NUP37: variants seen among roughly 807,000 people sequenced by gnomAD.
The protein encoded by NUP37 is nucleoporin 37.
Under a neutral mutation model 45.4 loss-of-function variants are expected in NUP37, and 33 were observed. The observed-to-expected ratio is 0.73, with a 90% CI of 0.55 to 0.97. NUP37 has a LOEUF of 0.97. Ranked by LOEUF, NUP37 falls within the 50% of genes least tolerant of loss-of-function variation. NUP37 has a pLI of 0.00. For missense variants in NUP37, 365 were observed against 389.7 expected (o/e 0.94, Z 0.53); for synonymous variants, 127 against 130.7 (o/e 0.97, Z 0.19).
intron 3 of NUP37, among the ~76,000 whole-genome samples, chr12:102,104,791 G>A (rs1880078073): frequency 6.6e-6 from 1 of 152,086 alleles, no homozygotes; most frequent in Non-Finnish European, 1.5e-5. Flanking sequence ...TTTCCACTCT[G>A]TTCCATTGGT....
chr12:102,108,163 G>A (rs973717861), intron 3 of NUP37, among the ~76,000 whole-genome samples: 1 of 152,126 alleles, frequency 6.6e-6, no homozygotes, highest in African/African-American at 2.4e-5. Flanking sequence ...TGGAGTGGGA[G>A]GGGAAGACCC....
intron 9 of NUP37, 56 bp downstream of exon 9, chr12:102,074,945 A>G: frequency 8.3e-7 from 1 of 1,198,164 alleles, no homozygotes; most frequent in South Asian, 1.7e-5. Context: ...GGAAAAGTCA[A>G]AAACACAAAT....
rs144473944 is a variant in NUP37, at chr12:102,077,329, G to A, written c.715C>T (p.Arg239Trp). 5.0e-5 allele frequency: 81 copies of A among 1,613,842 alleles called. No homozygotes were observed. Among genetic ancestry groups the A allele is most frequent in the Non-Finnish European group, 6.4e-5 (76 of 1,179,970 alleles). The stretch of plus-strand genomic sequence containing the variant: ...AACATATCAAGAAAGTACCTGGACC[G>A]AGTAATATCCCAAATTAACCAATCA... Reference protein sequence around the residue: ...GNDWLIWDITRSSYPQNKRPV... With the variant: ...GNDWLIWDITWSSYPQNKRPV... Residue 239 changes from arginine (R) to tryptophan (W), a missense_variant, in exon 7 of 10, where the codon CGG (arginine) becomes TGG (tryptophan). Coordinates refer to ENST00000552283, the MANE Select transcript of NUP37 (RefSeq NM_024057.4).
chr12:102,103,430 T>C (rs1041206919), intron 3 of NUP37, among the ~76,000 whole-genome samples: 5 of 152,216 alleles, frequency 3.3e-5, no homozygotes, highest in Non-Finnish European at 7.4e-5. Flanking sequence ...TTTTTGAATG[T>C]TGATTTGTAT....
intron 6 of NUP37, among the ~76,000 whole-genome samples, chr12:102,083,082 G>A (rs1303003609): frequency 1.3e-5 from 2 of 152,104 alleles, no homozygotes; most frequent in Non-Finnish European, 2.9e-5. Flanking sequence ...AACAAATTAA[G>A]TTAAAGCATA....
At chr12:102,083,311 T>G (rs1879379539) in intron 6 of NUP37, among the ~76,000 whole-genome samples, 2 of 152,292 alleles carry the variant, frequency 1.3e-5, no homozygotes, top group Middle Eastern at 3.4e-3. Flanking sequence ...AAAACAAAAT[T>G]TAGGAACTGG....
In NUP37 at chr12:102,099,119, C is replaced by T. The variant is rs759106967; in HGVS notation, c.436G>A (p.Asp146Asn). 8 of 1,605,606 alleles carry T rather than the reference C, an allele frequency of 5.0e-6. No individual in the cohort carries two copies. The Admixed American group carries it at 1.0e-4, about 20-fold the overall frequency. The change falls in exon 5 of 10, where the codon GAT becomes AAT. Residue 146 changes from aspartate (D) to asparagine (N), a missense_variant. Coordinates refer to ENST00000552283, the MANE Select transcript of NUP37 (RefSeq NM_024057.4). ...TAAGCAACATACCTGCAGGTGTGAT[C>T]GTCACTCACACTTGCAATTTCTTGG... Reference protein sequence around the residue: ...EGQEIASVSDDHTCRIWNLEG... With the variant: ...EGQEIASVSDNHTCRIWNLEG...
At chr12:102,105,279 C>T (rs1457237361) in intron 3 of NUP37, among the ~76,000 whole-genome samples, 3 of 151,730 alleles carry the variant, frequency 2.0e-5, no homozygotes, top group East Asian at 1.9e-4. Context: ...AATTCCAGCA[C>T]TTTGGGAGGC....
chr12:102,074,953 A>G (rs1450321670), intron 9 of NUP37, 48 bp downstream of exon 9: 5 of 1,259,526 alleles, frequency 4.0e-6, no homozygotes, highest in Non-Finnish European at 5.5e-6. Flanking sequence ...CAAAAACACA[A>G]ATTAAAAAAA....
intron 8 of NUP37, 47 bp downstream of exon 8, chr12:102,076,750 C>A: frequency 6.5e-7 from 1 of 1,539,376 alleles, no homozygotes; most frequent in Non-Finnish European, 9.0e-7. Flanking sequence ...GGTGGCACAG[C>A]AACGTCAAAA....
intron 6 of NUP37, among the ~76,000 whole-genome samples, chr12:102,085,478 T>G (rs1879443153): frequency 6.6e-6 from 1 of 152,060 alleles, no homozygotes; most frequent in Non-Finnish European, 1.5e-5. Context: ...CCCTGCCTAC[T>G]GCTACTAGAT....
intron 8 of NUP37, among the ~76,000 whole-genome samples, chr12:102,075,879 C>CT (rs79312878): frequency 1.2e-3 from 178 of 145,644 alleles, no homozygotes; most frequent in Non-Finnish European, 1.7e-3. Context: ...TCTCCTCTTA[C>CT]TTTTTTTTTT....
At chr12:102,092,034 G>GAT (rs1422266281) in intron 5 of NUP37, among the ~76,000 whole-genome samples, 1 of 152,100 alleles carries the variant, frequency 6.6e-6, no homozygotes, top group Non-Finnish European at 1.5e-5. Context: ...GGATATCCTA[G>GAT]ATATTCTCAA....
At chr12:102,090,920 T>G (rs1197838993) in intron 5 of NUP37, among the ~76,000 whole-genome samples, 1 of 152,224 alleles carries the variant, frequency 6.6e-6, no homozygotes, top group Admixed American at 6.5e-5. Flanking sequence ...CTTTTTGTTA[T>G]CTAAGAAACT....
intron 5 of NUP37, among the ~76,000 whole-genome samples, chr12:102,093,463 A>G (rs1394579726): frequency 6.6e-6 from 1 of 152,116 alleles, no homozygotes; most frequent in African/African-American, 2.4e-5. Context: ...ATTTTGTCAC[A>G]TTTAAAAATA....
chr12:102,097,303 C>A (rs1008803066), intron 5 of NUP37, among the ~76,000 whole-genome samples: 1 of 152,102 alleles, frequency 6.6e-6, no homozygotes, highest in Non-Finnish European at 1.5e-5. Context: ...AACAACCAGT[C>A]TGGCAAAATG....
chr12:102,115,372 A>C lies in NUP37; in HGVS notation c.156+2991T>G, dbSNP rs1880435395. Among the ~76,000 whole-genome samples the C allele has an allele frequency of 2.0e-5, 3 of 152,372 alleles. 1 individual carries two copies. The highest frequency in any genetic ancestry group is 6.5e-5 in the Admixed American group (1 of 15,308). ...GTACACTTTAAAAAGTGTAAAATAC[A>C]TACCAGATTTCTAAGTCTATTCAAG... On this transcript the variant is annotated intron_variant, in intron 2 of 9. Transcript: ENST00000552283.
intron 5 of NUP37, among the ~76,000 whole-genome samples, chr12:102,086,687 C>T (rs1437999817): frequency 6.6e-6 from 1 of 152,196 alleles, no homozygotes; most frequent in Non-Finnish European, 1.5e-5. Context: ...TCTCCATACT[C>T]AGCCACTGTT....
At position 102,118,441 on chromosome 12, in the gene NUP37, G is replaced by A; in HGVS notation, c.78C>T (p.Pro26=). The A allele has an allele frequency of 1.9e-6, 3 of 1,613,920 alleles. No individual in the cohort carries two copies. The highest frequency in any genetic ancestry group is 2.5e-6 in the Non-Finnish European group (3 of 1,179,958). ...GGTTTCCTGAATCCCCATTCTCAAA[G>A]GGATTAAATTCTACCACATGCACAT... is the stretch of plus-strand genomic sequence containing the variant. The part of the protein sequence containing the change: ...EDYVHVVEFN[P]FENGDSGNLI... The change falls in exon 2 of 10, where the codon CCC becomes CCT. Residue 26 remains proline (P), a synonymous_variant. Coordinates refer to ENST00000552283, the MANE Select transcript of NUP37 (RefSeq NM_024057.4).
Sources: allele counts gnomAD v4.1 joint callset (sites outside exome capture counted in the v4.1 genomes callset), GRCh38; gene constraint gnomAD v4.1.1; transcripts MANE v1.5; gene names NCBI Gene and HGNC (gene_info 2026-07-23, HGNC 2026-07-21).